The following ACSS1 variants were observed in gnomAD, a reference collection of about 807,000 sequenced individuals.
ACSS1 encodes the protein acyl-CoA synthetase short chain family member 1.
ACSS1 carries 42 observed loss-of-function variants against 75.3 expected under a neutral mutation model. The ratio of observed to expected loss-of-function variants is 0.56; its 90% CI spans 0.44 to 0.72. ACSS1 has a LOEUF of 0.72. Among genes scored for constraint, ACSS1 ranks in the 30% least tolerant of loss-of-function variants. The pLI, the probability that ACSS1 is intolerant of heterozygous loss-of-function variation, is 0.00. For missense variants in ACSS1, 782 were observed against 935.7 expected (o/e 0.84, Z 2.14); for synonymous variants, 380 against 376.8 (o/e 1.01, Z -0.10).
intron 2 of ACSS1, chr20:25,046,918 T>C: frequency 2.6e-6 from 2 of 779,244 alleles, no homozygotes; most frequent in African/African-American, 1.7e-5. Flanking sequence ...GTCTGGCTGG[T>C]GGGGGAGACG....
chr20:25,026,389 C>T (rs1248511877), intron 3 of ACSS1, among the ~76,000 whole-genome samples: 1 of 152,222 alleles, frequency 6.6e-6, no homozygotes, highest in African/African-American at 2.4e-5. Context: ...GACTGTAGGA[C>T]ACTGGCAGTT....
intron 10 of ACSS1, 93 bp from the exon 11 acceptor site, chr20:25,013,032 C>G: frequency 6.4e-7 from 1 of 1,571,014 alleles, no homozygotes; most frequent in Non-Finnish European, 8.6e-7. Context: ...GCCCAGCACG[C>G]GGCTGAAGTC....
chr20:25,009,442 T>A, intron 12 of ACSS1, 54 bp from the exon 13 acceptor site: 1 of 1,458,848 alleles, frequency 6.9e-7, no homozygotes, highest in Admixed American at 1.7e-5. Context: ...AGGAGCCAAC[T>A]CCCGAGGCAG....
intron 8 of ACSS1, 125 bp from the exon 9 acceptor site, chr20:25,014,198 C>T: frequency 1.3e-6 from 1 of 765,786 alleles, no homozygotes; most frequent in South Asian, 1.7e-5. Flanking sequence ...GCACAACGAT[C>T]TTTGAGGCAA....
chr20:25,052,351 C>T (rs2089186578), intron 1 of ACSS1, among the ~76,000 whole-genome samples: 1 of 152,158 alleles, frequency 6.6e-6, no homozygotes, highest in Admixed American at 6.5e-5. Flanking sequence ...GCTGAAACTC[C>T]ACCTCCTATT....
At position 25,006,752 on chromosome 20, in the gene ACSS1, G is replaced by T; in HGVS notation, c.*1010C>A. ...CCTAAGTCACATTAAAACAAAGAGA[G>T]ACTGGATCCAGACCTCCAAGTCTCA... On this transcript the variant is annotated 3_prime_UTR_variant, in exon 14 of 14. Transcript: ENST00000323482. 7.1e-7 allele frequency: 1 copy of T among 1,414,322 alleles called. No individual in the cohort carries two copies. Among genetic ancestry groups the T allele is most frequent in the South Asian group, 1.3e-5 (1 of 77,816 alleles). The allele number at this position is 1,414,322 out of a possible 1,614,324, so 87.6% of individuals were successfully genotyped here. A position where few individuals can be genotyped will look rare whatever the true frequency, so the allele number is the denominator to read the frequency against.
At chr20:25,046,112 G>C (rs540747476) in intron 2 of ACSS1, 11 of 152,262 alleles carry the variant, frequency 7.2e-5, no homozygotes, top group African/African-American at 2.6e-4. Flanking sequence ...TTTTAGTAGA[G>C]ACGGGGTTTC....
chr20:25,019,024 G>A (rs1014425913), intron 7 of ACSS1, among the ~76,000 whole-genome samples: 5 of 152,214 alleles, frequency 3.3e-5, no homozygotes, highest in South Asian at 4.1e-4. Flanking sequence ...CCTGTGGCCC[G>A]GATGCCCGCA....
At chr20:25,045,728 G>T (rs1256974729) in intron 2 of ACSS1, among the ~76,000 whole-genome samples, 1 of 152,192 alleles carries the variant, frequency 6.6e-6, no homozygotes. Context: ...ATGTCTAGGG[G>T]CTTTCCTCAG....
At chr20:25,042,534 C>T (rs1222988756) in intron 2 of ACSS1, among the ~76,000 whole-genome samples, 1 of 152,188 alleles carries the variant, frequency 6.6e-6, no homozygotes, top group Admixed American at 6.5e-5. Context: ...AGGCTGTTCC[C>T]CCACAGCCTC....
intron 2 of ACSS1, among the ~76,000 whole-genome samples, chr20:25,034,621 T>G (rs1202640027): frequency 8.6e-5 from 13 of 151,650 alleles, no homozygotes; most frequent in Non-Finnish European, 1.3e-4. Context: ...CAGGCTGGAG[T>G]GCAATGGCAC....
intron 3 of ACSS1, among the ~76,000 whole-genome samples, chr20:25,029,188 A>C (rs1402163436): frequency 6.6e-6 from 1 of 152,356 alleles, no homozygotes; most frequent in East Asian, 1.9e-4. Context: ...AACAACAAAA[A>C]GACAAGCAAG....
intron 1 of ACSS1, among the ~76,000 whole-genome samples, chr20:25,051,299 G>T (rs2089171837): frequency 6.6e-6 from 1 of 152,232 alleles, no homozygotes; most frequent in Non-Finnish European, 1.5e-5. Flanking sequence ...CAGGTAGCCT[G>T]GTCCAGAGCA....
chr20:25,014,558 C>G (rs937036257), intron 8 of ACSS1, among the ~76,000 whole-genome samples: 11 of 152,182 alleles, frequency 7.2e-5, no homozygotes, highest in Non-Finnish European at 1.6e-4. Context: ...CATGGGAACG[C>G]CTCATTTTCT....
intron 2 of ACSS1, among the ~76,000 whole-genome samples, chr20:25,043,660 G>A (rs1453119068): frequency 6.6e-6 from 1 of 152,194 alleles, no homozygotes; most frequent in Non-Finnish European, 1.5e-5. Flanking sequence ...AAAAAGGCCA[G>A]GAAGGAACAG....
intron 5 of ACSS1, among the ~76,000 whole-genome samples, chr20:25,022,665 A>T (rs1394206034): frequency 1.3e-5 from 2 of 152,260 alleles, no homozygotes; most frequent in African/African-American, 4.8e-5. Flanking sequence ...AAGAGTTTTT[A>T]AAAATCTTTG....
chr20:25,050,590 G>A (rs115793658), intron 1 of ACSS1, among the ~76,000 whole-genome samples: 1,766 of 151,612 alleles, frequency 0.012, 35 homozygotes, highest in African/African-American at 0.041. Flanking sequence ...ATGAGCAAAC[G>A]CCCTCTGCAT....
chr20:25,013,022 G>T (rs1270549181), intron 10 of ACSS1, 83 bp from the exon 11 acceptor site: 27 of 1,589,826 alleles, frequency 1.7e-5, no homozygotes, highest in Non-Finnish European at 2.3e-5. Flanking sequence ...AAGCTCTGCA[G>T]CCCAGCACGC....
At chr20:25,041,748 G>A (rs762440875) in intron 2 of ACSS1, among the ~76,000 whole-genome samples, 136 of 152,318 alleles carry the variant, frequency 8.9e-4, no homozygotes, top group Non-Finnish European at 1.5e-3. Context: ...TGTTGAAAAC[G>A]GGCTGGCCTA....
Sources: gnomAD v4.1 joint callset for allele counts (sites outside exome capture counted in the v4.1 genomes callset) on GRCh38, gnomAD v4.1.1 for gene constraint, MANE v1.5 for transcripts, NCBI Gene and HGNC (gene_info 2026-07-23, HGNC 2026-07-21) for gene names.